Variants in TMEM74 observed in about 807,000 individuals in gnomAD.
The protein encoded by TMEM74 is transmembrane protein 74.
A neutral mutation model predicts 18.1 loss-of-function variants in TMEM74; 13 were observed. That is an observed-to-expected ratio of 0.72 (90% confidence interval 0.47 to 1.14). The LOEUF (loss-of-function observed/expected upper bound fraction) is 1.14. Ranked by LOEUF, TMEM74 falls within the 50% of genes most tolerant of loss-of-function variation. The pLI is 0.00. For synonymous variants in TMEM74, 159 were observed against 146.6 expected, an observed-to-expected ratio of 1.08 and a Z score of -0.61; for missense variants, 372 against 375.9, an observed-to-expected ratio of 0.99 and a Z score of 0.09.
At chr8:108,777,356 T>G (rs1814244999), downstream of TMEM74, among the ~76,000 whole-genome samples, 1 of 152,218 alleles carries the variant, frequency 6.6e-6, no homozygotes. Flanking sequence ...CTATGTTCAC[T>G]GTTGTGCACA....
intron 1 of TMEM74, among the ~76,000 whole-genome samples, chr8:108,736,920 C>T (rs1303196264): frequency 1.3e-5 from 2 of 152,102 alleles, no homozygotes; most frequent in African/African-American, 4.8e-5. Context: ...CAGCTTAGGC[C>T]AATTTCTTTC....
At chr8:108,758,570 A>G (rs896508844) in intron 1 of TMEM74, among the ~76,000 whole-genome samples, 22 of 152,114 alleles carry the variant, frequency 1.4e-4, no homozygotes, top group Admixed American at 3.9e-4. Context: ...GTTGGACAAT[A>G]TTAAGTACTG....
At chr8:108,737,970 A>G (rs955595083) in intron 1 of TMEM74, among the ~76,000 whole-genome samples, 10 of 152,198 alleles carry the variant, frequency 6.6e-5, no homozygotes, top group Non-Finnish European at 1.0e-4. Flanking sequence ...CATGCTACAT[A>G]TAATACCTGA....
chr8:108,664,760 G>T (rs560808957), intron 1 of TMEM74, among the ~76,000 whole-genome samples: 2 of 152,098 alleles, frequency 1.3e-5, no homozygotes, highest in Admixed American at 6.6e-5. Flanking sequence ...TAACCTAGAA[G>T]AAACAAGTAG....
At chr8:108,667,477 C>T (rs187552314) in intron 1 of TMEM74, among the ~76,000 whole-genome samples, 2 of 152,180 alleles carry the variant, frequency 1.3e-5, no homozygotes, top group Admixed American at 1.3e-4. Flanking sequence ...GAAATAAAAA[C>T]TCCAAAGATA....
intron 1 of TMEM74, among the ~76,000 whole-genome samples, chr8:108,656,031 C>T (rs1480253378): frequency 1.3e-5 from 2 of 152,150 alleles, no homozygotes; most frequent in African/African-American, 4.8e-5. Context: ...TTTGGTGGTG[C>T]TGATAGGGGC....
At chr8:108,618,876 T>TGAAC (rs35923515) in intron 2 of TMEM74, among the ~76,000 whole-genome samples, 1 of 152,094 alleles carries the variant, frequency 6.6e-6, no homozygotes, top group African/African-American at 2.4e-5. Flanking sequence ...CCCACAAGAG[T>TGAAC]GAACCATCAT....
rs28805624 is a variant in TMEM74, at chr8:108,748,574, G to A, written n.119+38902C>T. ...GTGGAGAAGCTCTTTATTTTAATTA[G>A]ATCCCATTTGTCAATTTTTGACTTT... is the stretch of plus-strand genomic sequence containing the variant. On this transcript the variant is annotated intron_variant and non_coding_transcript_variant, in intron 1 of 3. Coordinates refer to the TMEM74 transcript ENST00000518838. Among the ~76,000 whole-genome samples the A allele has an allele frequency of 9.2e-5, 14 of 151,756 alleles. No homozygotes were observed. The East Asian group carries it at 2.7e-3, about 29-fold the overall frequency.
chr8:108,739,242 T>C (rs1177320117), intron 1 of TMEM74, among the ~76,000 whole-genome samples: 1 of 152,190 alleles, frequency 6.6e-6, no homozygotes, highest in Non-Finnish European at 1.5e-5. Context: ...ATCTGAATCC[T>C]AGAATAGATA....
intron 2 of TMEM74, among the ~76,000 whole-genome samples, chr8:108,612,873 T>G (rs1010795125): frequency 6.6e-6 from 1 of 152,202 alleles, no homozygotes; most frequent in South Asian, 2.1e-4. Flanking sequence ...TTGACATGAT[T>G]ATTTGAATTA....
chr8:108,765,315 G>GA (rs1312518892), intron 1 of TMEM74, among the ~76,000 whole-genome samples: 1 of 151,746 alleles, frequency 6.6e-6, no homozygotes, highest in Non-Finnish European at 1.5e-5. Flanking sequence ...ATTCTGAGAG[G>GA]CTTCCATCAT....
In TMEM74 at chr8:108,779,199, T is replaced by C. The variant is rs1351965640; in HGVS notation, c.*4982A>G. Among the ~76,000 whole-genome samples, 2 of 152,130 alleles carry C rather than the reference T, an allele frequency of 1.3e-5. No individual in the cohort carries two copies. The highest frequency in any genetic ancestry group is 2.4e-5 in the African/African-American group (1 of 41,438). ...ACCTTAATAATTGCCCTTGAAAATATCAAAAAGCACATAATCAATGTCAAA... is the reference window on the plus strand; with the variant it reads ...ACCTTAATAATTGCCCTTGAAAATACCAAAAAGCACATAATCAATGTCAAA... On this transcript the variant is annotated 3_prime_UTR_variant, in exon 2 of 2. Coordinates refer to ENST00000297459, the MANE Select transcript of TMEM74 (RefSeq NM_153015.3).
chr8:108,706,230 A>C (rs957218574), intron 1 of TMEM74, among the ~76,000 whole-genome samples: 1 of 152,208 alleles, frequency 6.6e-6, no homozygotes, highest in African/African-American at 2.4e-5. Flanking sequence ...ATTTCTAATA[A>C]CTACGTTTTA....
intron 1 of TMEM74, among the ~76,000 whole-genome samples, chr8:108,710,084 C>T (rs1813459564): frequency 2.0e-5 from 3 of 152,180 alleles, no homozygotes; most frequent in Non-Finnish European, 4.4e-5. Flanking sequence ...GATTACTTCC[C>T]AGAGTTACTG....
chr8:108,628,632 C>G (rs928191442), intron 2 of TMEM74, among the ~76,000 whole-genome samples: 1 of 152,042 alleles, frequency 6.6e-6, no homozygotes, highest in African/African-American at 2.4e-5. Flanking sequence ...ATTTATAATC[C>G]TTTGGGTATA....
chr8:108,638,713 A>G (rs1480156324), intron 2 of TMEM74, among the ~76,000 whole-genome samples: 5 of 152,074 alleles, frequency 3.3e-5, no homozygotes, highest in Non-Finnish European at 5.9e-5. Flanking sequence ...ATTATTGAGC[A>G]CTTACTGTGT....
intron 2 of TMEM74, among the ~76,000 whole-genome samples, chr8:108,611,539 T>C (rs1348434957): frequency 1.3e-5 from 2 of 152,202 alleles, no homozygotes; most frequent in South Asian, 4.1e-4. Context: ...TAATGGTGTT[T>C]CAAATTAATA....
intron 1 of TMEM74, among the ~76,000 whole-genome samples, chr8:108,747,946 C>T (rs904486085): frequency 2.0e-5 from 3 of 152,050 alleles, no homozygotes; most frequent in African/African-American, 7.2e-5. Flanking sequence ...ACCATATTTT[C>T]TTTATCCAGT....
At chr8:108,671,306 T>C (rs1739944764) in intron 1 of TMEM74, among the ~76,000 whole-genome samples, 2 of 152,190 alleles carry the variant, frequency 1.3e-5, no homozygotes, top group South Asian at 2.1e-4. Flanking sequence ...CTTGGTTTTC[T>C]ATGTGGCAAG....
Sources: allele counts gnomAD v4.1 joint callset (sites outside exome capture counted in the v4.1 genomes callset), GRCh38; gene constraint gnomAD v4.1.1; transcripts MANE v1.5; gene names NCBI Gene and HGNC (gene_info 2026-07-23, HGNC 2026-07-21).